The following SPP2 variants were observed in gnomAD, a reference collection of about 807,000 sequenced individuals.
SPP2 encodes secreted phosphoprotein 24.
Under a neutral mutation model 28.8 loss-of-function variants are expected in SPP2, and 34 were observed. The ratio of observed to expected loss-of-function variants is 1.18; its 90% CI spans 0.90 to 1.57. The LOEUF is 1.57. SPP2 is among the 40% of genes most tolerant of loss of function. The probability of loss-of-function intolerance (pLI) is 0.00; values close to 1 mark genes in which losing one functional copy is unlikely to be tolerated. For synonymous variants in SPP2, 96 were observed against 89.4 expected, an observed-to-expected ratio of 1.07 and a Z score of -0.42; for missense variants, 269 against 263.9, an observed-to-expected ratio of 1.02 and a Z score of -0.13.
chr2:234,051,301 G>A (rs1013506661), intron 2 of SPP2, among the ~76,000 whole-genome samples: 7 of 152,140 alleles, frequency 4.6e-5, no homozygotes, highest in African/African-American at 1.4e-4. Flanking sequence ...TTTGATGACT[G>A]ATTCTTCTGC....
At chr2:234,057,708 T>C (rs1334761507) in intron 2 of SPP2, among the ~76,000 whole-genome samples, 1 of 152,244 alleles carries the variant, frequency 6.6e-6, no homozygotes, top group Admixed American at 6.5e-5. Flanking sequence ...AGATTTGTCA[T>C]GGAGTTTAGA....
intron 3 of SPP2, among the ~76,000 whole-genome samples, chr2:234,059,694 A>G (rs146301663): frequency 8.4e-4 from 128 of 152,322 alleles, no homozygotes; most frequent in African/African-American, 2.9e-3. Flanking sequence ...GCCAGGATTT[A>G]TGGTATGCAC....
At chr2:234,061,837 C>T (rs1693725316) in intron 4 of SPP2, among the ~76,000 whole-genome samples, 1 of 152,208 alleles carries the variant, frequency 6.6e-6, no homozygotes, top group South Asian at 2.1e-4. Context: ...GATCCCGTCA[C>T]ACTGGCAACT....
chr2:234,062,567 T>C (rs1420675224), intron 4 of SPP2, among the ~76,000 whole-genome samples: 1 of 151,998 alleles, frequency 6.6e-6, no homozygotes, highest in East Asian at 1.9e-4. Flanking sequence ...TAAGTGTGTG[T>C]GTGTTGGGAG....
At chr2:234,059,114 A>T (rs898420369) in intron 3 of SPP2, among the ~76,000 whole-genome samples, 156 bp downstream of exon 3, 4 of 152,144 alleles carry the variant, frequency 2.6e-5, no homozygotes, top group Non-Finnish European at 5.9e-5. Flanking sequence ...GGGAAGTGTT[A>T]CTCCGTGGCT....
chr2:234,065,888 G>T (rs904100087), intron 4 of SPP2, among the ~76,000 whole-genome samples: 25 of 152,024 alleles, frequency 1.6e-4, no homozygotes, highest in Non-Finnish European at 4.4e-5. Context: ...GTGAGGAAGG[G>T]GTTTGACTTC....
chr2:234,074,063 G>C (rs958791275), intron 7 of SPP2, among the ~76,000 whole-genome samples: 2 of 152,118 alleles, frequency 1.3e-5, no homozygotes, highest in South Asian at 4.2e-4. Flanking sequence ...TCATTGAGGA[G>C]GAAGCAGAGG....
chr2:234,069,989 A>G lies in SPP2; in HGVS notation c.612A>G (p.Ala204=). ...NRRYPNHRHR[A]RINTDFE ...GGTACCCAAACCACCGGCACAGAGCAAGAATAAATACTGACTTTGAGTAAC... is the reference window on the plus strand; with the variant it reads ...GGTACCCAAACCACCGGCACAGAGCGAGAATAAATACTGACTTTGAGTAAC... The change falls in exon 7 of 8, where the codon GCA becomes GCG. Residue 204 remains alanine, a synonymous_variant. Transcript: ENST00000168148. The G allele has an allele frequency of 6.2e-7, 1 of 1,613,624 alleles. No homozygotes were observed. The highest frequency in any genetic ancestry group is 8.5e-7 in the Non-Finnish European group (1 of 1,179,626).
intron 2 of SPP2, among the ~76,000 whole-genome samples, chr2:234,057,699 G>T (rs1225827243): frequency 1.3e-5 from 2 of 152,204 alleles, no homozygotes; most frequent in African/African-American, 4.8e-5. Context: ...GAACTCCCCA[G>T]ATTTGTCATG....
chr2:234,060,512 C>T (rs1693698387), intron 4 of SPP2, 33 bp downstream of exon 4: 1 of 1,536,978 alleles, frequency 6.5e-7, no homozygotes, highest in East Asian at 2.3e-5. Flanking sequence ...TCCCAGACCG[C>T]ACCTCTTAGG....
intron 5 of SPP2, 59 bp downstream of exon 5, chr2:234,066,646 CTT>C (rs537590596): frequency 2.2e-4 from 278 of 1,253,146 alleles, no homozygotes; most frequent in Non-Finnish European, 3.1e-4. Flanking sequence ...TATTGCAACT[CTT>C]TGTTAGTGAG....
At chr2:234,066,474 T>G in intron 4 of SPP2, 59 bp from the exon 5 acceptor site, 3 of 1,385,720 alleles carry the variant, frequency 2.2e-6, no homozygotes, top group Non-Finnish European at 3.1e-6. Flanking sequence ...CATTTTTCAG[T>G]GTCTTTCCTT....
At chr2:234,075,729 C>T (rs927997489) in intron 7 of SPP2, among the ~76,000 whole-genome samples, 4 of 152,176 alleles carry the variant, frequency 2.6e-5, no homozygotes, top group African/African-American at 9.7e-5. Context: ...GATTCTTCCC[C>T]CTCTCCTCCA....
chr2:234,061,826 T>C (rs77870989), intron 4 of SPP2, among the ~76,000 whole-genome samples: 6,883 of 152,270 alleles, frequency 0.045, 515 homozygotes, highest in African/African-American at 0.16. Flanking sequence ...CCTTATTGAT[T>C]GATCCCGTCA....
chr2:234,066,991 G>A lies in SPP2; in HGVS notation c.500-233G>A, dbSNP rs566077749. On this transcript the variant is annotated intron_variant, in intron 5 of 7. Coordinates refer to ENST00000168148, the MANE Select transcript of SPP2 (RefSeq NM_006944.3). ...TCTTTGAATGTCTTAGTTCAGGGAG[G>A]AAGGGCTCTCCTTCTTTCTTTTCTT... Among the ~76,000 whole-genome samples the A allele has an allele frequency of 2.0e-5, 3 of 152,328 alleles. No homozygotes were observed. In the East Asian group the frequency reaches 5.8e-4, roughly 29 times the overall value.
At chr2:234,060,297 T>G in intron 3 of SPP2, 72 bp from the exon 4 acceptor site, 1 of 985,134 alleles carries the variant, frequency 1.0e-6, no homozygotes, top group Non-Finnish European at 1.6e-6. Context: ...TTTATTTTCC[T>G]GATTTACTCA....
In SPP2 at chr2:234,058,451, A is replaced by G. The variant is rs545935544; in HGVS notation, c.211-385A>G. On this transcript the variant is annotated intron_variant, in intron 2 of 7. Coordinates refer to ENST00000168148, the MANE Select transcript of SPP2 (RefSeq NM_006944.3). ...TTTGTCGTTCTGCATTTGTCCCTAGATGATTGCCAAAGTAAGTGTTACTAG... is the reference window on the plus strand; with the variant it reads ...TTTGTCGTTCTGCATTTGTCCCTAGGTGATTGCCAAAGTAAGTGTTACTAG... Among the ~76,000 whole-genome samples, 6 of 152,314 alleles carry G rather than the reference A, an allele frequency of 3.9e-5. No individual in the cohort carries two copies. The South Asian group carries it at 1.2e-3, about 32-fold the overall frequency.
At chr2:234,052,816 G>A (rs1348346201) in intron 2 of SPP2, among the ~76,000 whole-genome samples, 2 of 152,034 alleles carry the variant, frequency 1.3e-5, no homozygotes, top group African/African-American at 4.8e-5. Flanking sequence ...CCACTGGAAG[G>A]GAGATTCTCT....
chr2:234,066,463 A>T, intron 4 of SPP2, 70 bp from the exon 5 acceptor site: 1 of 1,278,026 alleles, frequency 7.8e-7, no homozygotes, highest in Non-Finnish European at 1.1e-6. Flanking sequence ...GATGACATTT[A>T]CATTTTTCAG....
Sources: allele counts gnomAD v4.1 joint callset (sites outside exome capture counted in the v4.1 genomes callset), GRCh38; gene constraint gnomAD v4.1.1; transcripts MANE v1.5; gene names NCBI Gene and HGNC (gene_info 2026-07-23, HGNC 2026-07-21).